PHACTR1: variants seen among roughly 807,000 people sequenced by gnomAD.
PHACTR1 encodes the protein phosphatase and actin regulator 1.
PHACTR1 carries 16 observed loss-of-function variants against 69.2 expected under a neutral mutation model. The observed-to-expected ratio is 0.23, with a 90% CI of 0.16 to 0.35. The LOEUF (loss-of-function observed/expected upper bound fraction) is 0.35. Ranked by LOEUF, PHACTR1 falls within the 10% of genes least tolerant of loss-of-function variation. The probability of loss-of-function intolerance (pLI) is 1.00; values close to 1 mark genes in which losing one functional copy is unlikely to be tolerated. For missense variants in PHACTR1, 510 were observed against 734.7 expected (o/e 0.69, Z 3.54); for synonymous variants, 312 against 284.5 (o/e 1.10, Z -0.97).
chr6:13,273,089 G>A (rs1584363272), intron 11 of PHACTR1, 174 bp downstream of exon 11: 7 of 872,874 alleles, frequency 8.0e-6, no homozygotes, highest in African/African-American at 5.1e-5. Flanking sequence ...TCCCCAAAGA[G>A]AAGGCAAATT....
chr6:12,778,544 T>G (rs1423945661), intron 4 of PHACTR1, among the ~76,000 whole-genome samples: 1 of 152,216 alleles, frequency 6.6e-6, no homozygotes, highest in Non-Finnish European at 1.5e-5. Context: ...CTGTACTACT[T>G]GTTGCTGTTA....
intron 5 of PHACTR1, among the ~76,000 whole-genome samples, chr6:13,135,747 G>A (rs532343833): frequency 2.0e-5 from 3 of 152,090 alleles, no homozygotes; most frequent in African/African-American, 7.2e-5. Flanking sequence ...GGCCAGGTAC[G>A]GTGGCTCATG....
intron 10 of PHACTR1, among the ~76,000 whole-genome samples, chr6:13,265,405 C>T (rs1211390761): frequency 6.6e-6 from 1 of 152,164 alleles, no homozygotes; most frequent in African/African-American, 2.4e-5. Context: ...CTGGGGTACA[C>T]CGGATCAGGG....
At chr6:12,789,089 C>T (rs1771901741) in intron 4 of PHACTR1, among the ~76,000 whole-genome samples, 1 of 152,234 alleles carries the variant, frequency 6.6e-6, no homozygotes, top group South Asian at 2.1e-4. Flanking sequence ...CACAATGCCT[C>T]TGCTCTCGTT....
chr6:12,930,742 A>G (rs1334594728), intron 4 of PHACTR1, among the ~76,000 whole-genome samples: 1 of 152,158 alleles, frequency 6.6e-6, no homozygotes, highest in Non-Finnish European at 1.5e-5. Context: ...TTTCAGCTGA[A>G]TCTTGAGTCC....
intron 6 of PHACTR1, among the ~76,000 whole-genome samples, chr6:13,177,335 C>CTCTG (rs534824216): frequency 2.6e-5 from 4 of 151,704 alleles, no homozygotes; most frequent in African/African-American, 4.8e-5. Flanking sequence ...GCAAGACACT[C>CTCTG]TCTGTCTGTC....
chr6:13,082,310 A>G (rs1360807052), intron 5 of PHACTR1, among the ~76,000 whole-genome samples: 1 of 152,164 alleles, frequency 6.6e-6, no homozygotes, highest in African/African-American at 2.4e-5. Context: ...GGCCATAAAT[A>G]TTATTATATC....
At chr6:12,805,626 A>G (rs997476774) in intron 4 of PHACTR1, among the ~76,000 whole-genome samples, 3 of 144,088 alleles carry the variant, frequency 2.1e-5, no homozygotes, top group Non-Finnish European at 4.5e-5. Context: ...TTTTGGATGG[A>G]GTCTTGCTCT....
At position 13,145,555 on chromosome 6, in the gene PHACTR1, G is replaced by C. The variant is rs550097304; in HGVS notation, c.416-14649G>C. 4.0e-4 allele frequency among the ~76,000 whole-genome samples: 61 copies of C among 152,298 alleles called. 1 individual carries two copies. In the South Asian group the frequency reaches 0.01, roughly 26 times the overall value. On this transcript the variant is annotated intron_variant, in intron 5 of 14. Coordinates refer to ENST00000332995, the MANE Select transcript of PHACTR1 (RefSeq NM_030948.6). ...CCCACCACCAAATTCATATGTTGGA[G>C]CCCTAACCCACACGTGGCTGTATTT...
At chr6:13,287,033 T>TG (rs1781825850) in intron 14 of PHACTR1, 30 bp from the exon 15 acceptor site, 1 of 1,605,294 alleles carries the variant, frequency 6.2e-7, no homozygotes, top group South Asian at 1.1e-5. Context: ...GGCAGCCCCT[T>TG]GGTCTTGATG....
chr6:13,144,790 AAG>A, intron 5 of PHACTR1, among the ~76,000 whole-genome samples: 1 of 151,472 alleles, frequency 6.6e-6, no homozygotes, highest in Non-Finnish European at 1.5e-5. Context: ...AAAAAAAAAA[AAG>A]TATGTGTGGA....
At chr6:12,916,809 A>G (rs1482503264) in intron 4 of PHACTR1, among the ~76,000 whole-genome samples, 1 of 152,230 alleles carries the variant, frequency 6.6e-6, no homozygotes. Context: ...GTTGACACTC[A>G]CTAAATTTTC....
chr6:12,974,114 G>T (rs977276998), intron 4 of PHACTR1, among the ~76,000 whole-genome samples: 1 of 152,086 alleles, frequency 6.6e-6, no homozygotes, highest in Admixed American at 6.5e-5. Context: ...TAGAGACGGG[G>T]CTTCACCATA....
At chr6:12,963,325 G>A (rs1238866571) in intron 4 of PHACTR1, among the ~76,000 whole-genome samples, 2 of 152,172 alleles carry the variant, frequency 1.3e-5, no homozygotes, top group African/African-American at 4.8e-5. Flanking sequence ...CACCGTTACC[G>A]GGACCATTTG....
In PHACTR1 at chr6:13,230,007, C is replaced by A; in HGVS notation, c.1235-30C>A. 1.9e-6 allele frequency: 3 copies of A among 1,577,712 alleles called. No individual in the cohort carries two copies. In the South Asian group the frequency reaches 3.5e-5, roughly 19 times the overall value. On this transcript the variant is annotated intron_variant, in intron 9 of 14. Coordinates refer to ENST00000332995, the MANE Select transcript of PHACTR1 (RefSeq NM_030948.6). Reference sequence around the variant, plus strand: ...GTGGGAGCCCAGGCAGATATGTAAGCCTTAATTGACTCATTTCTGTCTCCT... The same window carrying A: ...GTGGGAGCCCAGGCAGATATGTAAGACTTAATTGACTCATTTCTGTCTCCT...
At chr6:12,816,418 G>A (rs886439580) in intron 4 of PHACTR1, among the ~76,000 whole-genome samples, 1 of 152,184 alleles carries the variant, frequency 6.6e-6, no homozygotes, top group African/African-American at 2.4e-5. Context: ...TGTGTATCTA[G>A]GGTTTCATGT....
At chr6:12,784,666 A>G (rs1350029449) in intron 4 of PHACTR1, among the ~76,000 whole-genome samples, 1 of 151,826 alleles carries the variant, frequency 6.6e-6, no homozygotes, top group East Asian at 1.9e-4. Context: ...ATGTAATGAT[A>G]TATACATACA....
At chr6:13,019,067 TATATATA>T (rs1561698213) in intron 4 of PHACTR1, among the ~76,000 whole-genome samples, 13 of 99,158 alleles carry the variant, frequency 1.3e-4, no homozygotes, top group Non-Finnish European at 2.2e-4. Context: ...TATATATATA[TATATATA>T]TTTTTTCTTT....
intron 4 of PHACTR1, among the ~76,000 whole-genome samples, chr6:12,795,583 G>A (rs1442731279): frequency 2.0e-5 from 3 of 152,156 alleles, no homozygotes; most frequent in Admixed American, 2.0e-4. Flanking sequence ...TACTGTTTGA[G>A]TCAGGTAACA....
Sources: gnomAD v4.1 joint callset for allele counts (sites outside exome capture counted in the v4.1 genomes callset) on GRCh38, gnomAD v4.1.1 for gene constraint, MANE v1.5 for transcripts, NCBI Gene and HGNC (gene_info 2026-07-23, HGNC 2026-07-21) for gene names.